CHID1: variants seen among roughly 807,000 people sequenced by gnomAD.
The protein encoded by CHID1 is chitinase domain-containing protein 1.
Under a neutral mutation model 55.4 loss-of-function variants are expected in CHID1, and 44 were observed. That is an observed-to-expected ratio of 0.79 (90% CI 0.62 to 1.02). The LOEUF is 1.02. Among genes scored for constraint, CHID1 ranks in the 50% least tolerant of loss-of-function variants. The pLI is 0.00. For synonymous variants in CHID1, 216 were observed against 212.9 expected (o/e 1.01, Z -0.13); for missense variants, 491 against 515.3 (o/e 0.95, Z 0.46).
intron 1 of CHID1, among the ~76,000 whole-genome samples, chr11:905,347 T>C (rs1227515749): frequency 1.3e-5 from 2 of 152,222 alleles, no homozygotes; most frequent in African/African-American, 4.8e-5. Context: ...GAGACCAGCC[T>C]GAGCAACATA....
intron 7 of CHID1, among the ~76,000 whole-genome samples, chr11:895,160 T>G (rs894779083): frequency 1.3e-5 from 2 of 152,150 alleles, no homozygotes; most frequent in Non-Finnish European, 2.9e-5. Context: ...CCCAGATGCC[T>G]GGGGAAGCTG....
intron 2 of CHID1, 112 bp from the exon 3 acceptor site, chr11:903,223 A>G: frequency 9.1e-7 from 1 of 1,103,518 alleles, no homozygotes; most frequent in Non-Finnish European, 1.3e-6. Context: ...CTCTGGATCC[A>G]CACAGTGCTG....
chr11:890,937 T>G (rs903010233), intron 8 of CHID1, among the ~76,000 whole-genome samples: 2 of 152,068 alleles, frequency 1.3e-5, no homozygotes, highest in Non-Finnish European at 2.9e-5. Flanking sequence ...GGGCCATTGT[T>G]CCACAGACAG....
At chr11:870,668 G>A (rs1360047333) in intron 10 of CHID1, 169 bp from the exon 11 acceptor site, 1 of 601,884 alleles carries the variant, frequency 1.7e-6, no homozygotes, top group African/African-American at 1.9e-5. Flanking sequence ...CCCAGGCCGT[G>A]TGAACCCTGT....
At chr11:914,465 A>C, upstream of CHID1, 3 of 1,193,908 alleles carry the variant, frequency 2.5e-6, no homozygotes, top group Non-Finnish European at 3.3e-6. Flanking sequence ...GGAGGCCTGC[A>C]GAGATGAGTG....
At chr11:878,557 C>T (rs1281506053) in intron 10 of CHID1, among the ~76,000 whole-genome samples, 1 of 150,542 alleles carries the variant, frequency 6.6e-6, no homozygotes, top group African/African-American at 2.4e-5. Context: ...GAGTGAAATT[C>T]TGTCTAAAAA....
chr11:889,818 C>A (rs1294592310), intron 8 of CHID1, among the ~76,000 whole-genome samples: 1 of 152,214 alleles, frequency 6.6e-6, no homozygotes, highest in Non-Finnish European at 1.5e-5. Flanking sequence ...ACTGTCCCTG[C>A]AATCTCCCAT....
intron 10 of CHID1, chr11:882,934 A>C (rs1478243390): frequency 3.7e-6 from 2 of 537,928 alleles, no homozygotes; most frequent in Admixed American, 3.4e-5. Context: ...AGCCTCACGC[A>C]GATGTGTGGC....
chr11:900,539 C>T (rs1380457847), intron 5 of CHID1, among the ~76,000 whole-genome samples: 1 of 152,158 alleles, frequency 6.6e-6, no homozygotes, highest in African/African-American at 2.4e-5. Flanking sequence ...GGACACATGT[C>T]CCCCCTTCCC....
chr11:875,644 T>C lies in CHID1; in HGVS notation c.960-5145A>G, dbSNP rs1849462465. 6.6e-6 allele frequency among the ~76,000 whole-genome samples: 1 copy of C among 152,118 alleles called. No individual in the cohort carries two copies. Among genetic ancestry groups the C allele is most frequent in the South Asian group, 2.1e-4 (1 of 4,830 alleles). The stretch of plus-strand genomic sequence containing the variant: ...GCCACATGAGGCCGAGGGAGTCAAG[T>C]CCTGGGGTGGCCATGAGGGGCTCGC... On this transcript the variant is annotated intron_variant, in intron 10 of 12. Coordinates refer to ENST00000323578, the MANE Select transcript of CHID1 (RefSeq NM_023947.4). This position sits in a 1 kb window ranked among gnomAD's most constrained non-coding sequence, Gnocchi z 4.7.
At chr11:870,241 C>T in intron 11 of CHID1, 78 bp from the exon 12 acceptor site, 1 of 1,581,964 alleles carries the variant, frequency 6.3e-7, no homozygotes, top group Non-Finnish European at 8.7e-7. Context: ...GGTCCACGGC[C>T]TGTACTCCTC....
chr11:899,606 A>G (rs1777063432), intron 6 of CHID1, among the ~76,000 whole-genome samples: 1 of 152,194 alleles, frequency 6.6e-6, no homozygotes, highest in Non-Finnish European at 1.5e-5. Context: ...TGGAGGGGCC[A>G]GTGGTCTCGT....
chr11:893,401 C>G, intron 8 of CHID1, 26 bp downstream of exon 8: 1 of 1,537,236 alleles, frequency 6.5e-7, no homozygotes, highest in Non-Finnish European at 8.8e-7. Flanking sequence ...CCACAGCCAC[C>G]CCCACATCTC....
rs578229762 is a variant in CHID1 at position 869,493 on chromosome 11, G to A, written c.*365C>T. Reference sequence around the variant, plus strand: ...CTCGAATCCAGGAGTGGGCGAGTCCGGGATGGTTCCAGAGCTTCCAAACCC... The same window carrying A: ...CTCGAATCCAGGAGTGGGCGAGTCCAGGATGGTTCCAGAGCTTCCAAACCC... On this transcript the variant is annotated 3_prime_UTR_variant, in exon 13 of 13. Coordinates refer to ENST00000323578, the MANE Select transcript of CHID1 (RefSeq NM_023947.4). 7 of 321,150 alleles carry A rather than the reference G, an allele frequency of 2.2e-5. No homozygotes were observed. Among genetic ancestry groups the A allele is most frequent in the South Asian group, 8.2e-5 (2 of 24,258 alleles). The allele number at this position is 321,150 out of a possible 1,614,324, so 19.9% of individuals were successfully genotyped here. A position where few individuals can be genotyped will look rare whatever the true frequency, so the allele number is the denominator to read the frequency against.
intron 8 of CHID1, among the ~76,000 whole-genome samples, chr11:892,523 C>A (rs1850920371): frequency 6.6e-6 from 1 of 152,222 alleles, no homozygotes; most frequent in African/African-American, 2.4e-5. Context: ...TTTCCAGGGT[C>A]TTCCATCAAA....
At chr11:883,057 C>G in intron 10 of CHID1, 91 bp downstream of exon 10, 14 of 1,376,978 alleles carry the variant, frequency 1.0e-5, no homozygotes, top group Non-Finnish European at 1.2e-5. Context: ...CCCAGGGGAC[C>G]GAGACCCTCC....
rs567536055 is a variant in CHID1 at position 884,057 on chromosome 11, C to A, written c.803+11G>T. On this transcript the variant is annotated intron_variant, in intron 9 of 12. Transcript: ENST00000323578. ...TTGCTGTGCCCAGGAGCCCCCCAAG[C>A]CCACACTCACTGATGCGCTGTAGAG... 3.2e-5 allele frequency: 51 copies of A among 1,608,050 alleles called. No homozygotes were observed. Among genetic ancestry groups the A allele is most frequent in the Non-Finnish European group, 4.3e-5 (51 of 1,174,496 alleles).
At chr11:908,469 G>T in intron 1 of CHID1, 2 of 573,708 alleles carry the variant, frequency 3.5e-6, no homozygotes, top group Non-Finnish European at 4.4e-6. Context: ...CTTGGTCTGA[G>T]TCAGCAACAG....
rs113180272 is a variant in CHID1, at chr11:881,715, T to C, written c.959+1433A>G. The stretch of plus-strand genomic sequence containing the variant: ...GGCAGGTTGGGCACAGCAAGAGAAA[T>C]GACCAGGCCAGGCACGGGGCTCACA... On this transcript the variant is annotated intron_variant, in intron 10 of 12. Coordinates refer to ENST00000323578, the MANE Select transcript of CHID1 (RefSeq NM_023947.4). Among the ~76,000 whole-genome samples the C allele has an allele frequency of 2.4e-3, 357 of 150,256 alleles. 2 individuals carry two copies. Among genetic ancestry groups the C allele is most frequent in the Non-Finnish European group, 3.1e-3 (208 of 67,184 alleles).
Sources: allele counts gnomAD v4.1 joint callset (sites outside exome capture counted in the v4.1 genomes callset), GRCh38; gene constraint gnomAD v4.1.1; non-coding constraint Gnocchi (gnomAD v3.1); transcripts MANE v1.5; gene names NCBI Gene and HGNC (gene_info 2026-07-23, HGNC 2026-07-21).